CTNND2: variants seen among roughly 807,000 people sequenced by gnomAD.
CTNND2 encodes catenin delta 2.
CTNND2 carries 22 observed loss-of-function variants against 144.4 expected under a neutral mutation model. The ratio of observed to expected loss-of-function variants is 0.15; its 90% CI spans 0.11 to 0.22. The LOEUF is 0.22. CTNND2 is among the 10% of genes least tolerant of loss of function. The probability of loss-of-function intolerance (pLI) is 1.00; values close to 1 mark genes in which losing one functional copy is unlikely to be tolerated. For synonymous variants in CTNND2, 751 were observed against 695.6 expected (o/e 1.08, Z -1.25); for missense variants, 1,353 against 1,618.8 (o/e 0.84, Z 2.82).
At chr5:11,696,103 G>A (rs1785127075) in intron 2 of CTNND2, among the ~76,000 whole-genome samples, 3 of 152,070 alleles carry the variant, frequency 2.0e-5, no homozygotes, top group Admixed American at 6.6e-5. Context: ...TTTCTGCAAG[G>A]GGCCAGATAG....
At chr5:11,807,752 T>C (rs1792086181) in intron 1 of CTNND2, among the ~76,000 whole-genome samples, 1 of 152,176 alleles carries the variant, frequency 6.6e-6, no homozygotes, top group African/African-American at 2.4e-5. Flanking sequence ...AGAGGCATAA[T>C]GGTTCTGTCT....
intron 3 of CTNND2, among the ~76,000 whole-genome samples, chr5:11,477,882 TG>T (rs1237609708): frequency 2.6e-5 from 4 of 152,200 alleles, no homozygotes; most frequent in Non-Finnish European, 4.4e-5. Context: ...CCAATGGAAA[TG>T]ATCTCCTGTA....
chr5:11,625,939 TATAA>T (rs150205295), intron 2 of CTNND2, among the ~76,000 whole-genome samples: 2,273 of 152,278 alleles, frequency 0.015, 58 homozygotes, highest in African/African-American at 0.048. Context: ...GTTTACAGAT[TATAA>T]ATAAATTTAA....
rs1398349125 is a variant in CTNND2 at position 11,411,665 on chromosome 5, A to G, written c.323-13T>C. The G allele has an allele frequency of 1.3e-6, 2 of 1,488,734 alleles. No homozygotes were observed. Among genetic ancestry groups the G allele is most frequent in the African/African-American group, 2.8e-5 (2 of 72,068 alleles). 92.2% of individuals were successfully genotyped at this position (1,488,734 alleles called of 1,614,324 possible). ...TCTTTTTGACCATCTGAAATGAAATATTTTAAAGTGATGAACAAACACATG... is the reference window on the plus strand; with the variant it reads ...TCTTTTTGACCATCTGAAATGAAATGTTTTAAAGTGATGAACAAACACATG... On this transcript the variant is annotated splice_polypyrimidine_tract_variant and intron_variant, in intron 4 of 21. Transcript: ENST00000304623.
At chr5:11,157,741 T>C (rs936796596) in intron 12 of CTNND2, among the ~76,000 whole-genome samples, 2 of 152,328 alleles carry the variant, frequency 1.3e-5, no homozygotes. Context: ...ACTGTTCTGG[T>C]GTCACAGATG....
intron 15 of CTNND2, among the ~76,000 whole-genome samples, chr5:11,090,859 G>T (rs568402674): frequency 6.6e-6 from 1 of 151,294 alleles, no homozygotes; most frequent in Non-Finnish European, 1.5e-5. Flanking sequence ...CACTGGCGTT[G>T]TTGCTGATAA....
At position 11,346,515 on chromosome 5, in the gene CTNND2, T is replaced by C. The variant is rs1363816900; in HGVS notation, c.1485A>G (p.Pro495=). ...GGTAGGGGTCCGCGTAATTGGAGGC[T>C]GGGCCGGCGGCATAGCTGGCCCTCT... ...TFQRASYAAG[P]ASNYADPYRQ... Residue 495 remains proline, a synonymous_variant, in exon 9 of 22, where the codon CCA becomes CCG. Coordinates refer to ENST00000304623, the MANE Select transcript of CTNND2 (RefSeq NM_001332.4). The C allele has an allele frequency of 6.2e-7, 1 of 1,606,194 alleles. No individual in the cohort carries two copies. Among genetic ancestry groups the C allele is most frequent in the Admixed American group, 1.7e-5 (1 of 58,682 alleles).
At chr5:11,490,617 GACACATGC>G (rs1381633492) in intron 3 of CTNND2, among the ~76,000 whole-genome samples, 2 of 152,190 alleles carry the variant, frequency 1.3e-5, no homozygotes, top group East Asian at 1.9e-4. Context: ...CACCTGTACA[GACACATGC>G]ACACATGCAC....
intron 3 of CTNND2, among the ~76,000 whole-genome samples, chr5:11,451,926 C>T (rs979080944): frequency 1.1e-4 from 16 of 152,140 alleles, no homozygotes; most frequent in East Asian, 5.8e-4. Flanking sequence ...CCCAAATAAA[C>T]GCAGCTGGCA....
At chr5:11,207,041 G>T (rs563230426) in intron 10 of CTNND2, among the ~76,000 whole-genome samples, 170 of 152,242 alleles carry the variant, frequency 1.1e-3, no homozygotes, top group African/African-American at 3.9e-3. Context: ...ATATACCATG[G>T]ACTACTATGC....
At chr5:11,333,866 C>A (rs1561234586) in intron 9 of CTNND2, among the ~76,000 whole-genome samples, 1 of 152,190 alleles carries the variant, frequency 6.6e-6, no homozygotes, top group African/African-American at 2.4e-5. Flanking sequence ...ACTGCCACCC[C>A]TATGGCATCC....
intron 9 of CTNND2, among the ~76,000 whole-genome samples, chr5:11,240,970 A>C (rs1418427382): frequency 6.9e-6 from 1 of 143,936 alleles, no homozygotes; most frequent in Non-Finnish European, 1.5e-5. Flanking sequence ...ATACATATAC[A>C]CCCACATCAT....
intron 9 of CTNND2, among the ~76,000 whole-genome samples, chr5:11,280,350 C>T (rs1326398297): frequency 6.6e-6 from 1 of 152,138 alleles, no homozygotes; most frequent in Non-Finnish European, 1.5e-5. Flanking sequence ...AAATACCAGA[C>T]TGGGTGGATT....
intron 1 of CTNND2, among the ~76,000 whole-genome samples, chr5:11,739,529 T>G (rs1180034037): frequency 6.6e-6 from 1 of 152,174 alleles, no homozygotes; most frequent in Non-Finnish European, 1.5e-5. Context: ...AACCACACTC[T>G]GATGTCAGTC....
At chr5:11,175,683 T>C (rs1471282046) in intron 11 of CTNND2, among the ~76,000 whole-genome samples, 1 of 152,182 alleles carries the variant, frequency 6.6e-6, no homozygotes, top group Non-Finnish European at 1.5e-5. Flanking sequence ...ACTAGAGTGT[T>C]TGAAATGCTT....
chr5:11,049,309 G>A (rs1026081527), intron 16 of CTNND2, among the ~76,000 whole-genome samples: 20 of 152,162 alleles, frequency 1.3e-4, no homozygotes, highest in African/African-American at 3.6e-4. Context: ...GGGAGGACAA[G>A]GGTGTGATTT....
intron 1 of CTNND2, among the ~76,000 whole-genome samples, chr5:11,800,664 T>C (rs1226230955): frequency 6.6e-6 from 1 of 152,168 alleles, no homozygotes; most frequent in South Asian, 2.1e-4. Context: ...TTCCACAGCA[T>C]ATAAACTAAT....
At chr5:11,576,172 C>A (rs1252888574) in intron 2 of CTNND2, among the ~76,000 whole-genome samples, 1 of 152,038 alleles carries the variant, frequency 6.6e-6, no homozygotes, top group Non-Finnish European at 1.5e-5. Context: ...GTATCTCTTG[C>A]CCAGATTCCT....
rs182221113 is a variant in CTNND2 at position 11,427,915 on chromosome 5, C to T, written c.288-15846G>A. Among the ~76,000 whole-genome samples, 7 of 152,300 alleles carry T rather than the reference C, an allele frequency of 4.6e-5. No homozygotes were observed. The East Asian group carries it at 7.7e-4, about 17-fold the overall frequency. On this transcript the variant is annotated intron_variant, in intron 3 of 21. Transcript: ENST00000304623. ...GGGAGGAAAAAGAGGTTTAATTGGA[C>T]TCACAGTTCCACATGGCTGGGGAGG...
Sources: gnomAD v4.1 joint callset for allele counts (sites outside exome capture counted in the v4.1 genomes callset) on GRCh38, gnomAD v4.1.1 for gene constraint, MANE v1.5 for transcripts, NCBI Gene and HGNC (gene_info 2026-07-23, HGNC 2026-07-21) for gene names.